KY: variants seen among roughly 807,000 people sequenced by gnomAD.
The protein encoded by KY is kyphoscoliosis peptidase.
In KY, 43 loss-of-function variants were observed where a neutral mutation model predicts 76.1. The observed-to-expected ratio is 0.57, with a 90% CI of 0.44 to 0.73. The LOEUF (loss-of-function observed/expected upper bound fraction) is 0.73. KY is among the 30% of genes least tolerant of loss of function. The pLI is 0.00. For missense variants in KY, 722 were observed against 828.9 expected (o/e 0.87, Z 1.58); for synonymous variants, 277 against 326.2 (o/e 0.85, Z 1.63).
chr3:134,609,223 C>T (rs1560102917), intron 9 of KY, among the ~76,000 whole-genome samples: 1 of 152,178 alleles, frequency 6.6e-6, no homozygotes, highest in Non-Finnish European at 1.5e-5. Context: ...CTCCATCTAC[C>T]CCAACCTGTT....
At chr3:134,631,585 T>C (rs1462650135) in intron 3 of KY, among the ~76,000 whole-genome samples, 3 of 152,104 alleles carry the variant, frequency 2.0e-5, no homozygotes, top group Non-Finnish European at 4.4e-5. Flanking sequence ...AACTACAACA[T>C]AGAGTAGGAG....
intron 3 of KY, among the ~76,000 whole-genome samples, chr3:134,631,695 C>T (rs1226567828): frequency 6.6e-6 from 1 of 151,516 alleles, no homozygotes; most frequent in African/African-American, 2.4e-5. Context: ...ATAATACATA[C>T]AAAAATAGCT....
intron 10 of KY, 110 bp downstream of exon 10, chr3:134,608,539 T>C (rs1483161067): frequency 6.2e-7 from 1 of 1,602,724 alleles, no homozygotes. Flanking sequence ...TCACAAGCCA[T>C]GCGTCTGGAA....
intron 5 of KY, 35 bp downstream of exon 5, chr3:134,627,721 T>C (rs776927812): frequency 6.3e-7 from 1 of 1,595,862 alleles, no homozygotes; most frequent in Admixed American, 1.7e-5. Flanking sequence ...CCATGTGCTC[T>C]CTTGAGAATT....
chr3:134,615,832 A>G (rs1336214790), intron 8 of KY, among the ~76,000 whole-genome samples: 1 of 152,242 alleles, frequency 6.6e-6, no homozygotes, highest in African/African-American at 2.4e-5. Context: ...TATAGGGGAC[A>G]TACTGCTAAC....
chr3:134,619,912 G>A (rs1962302104), intron 7 of KY: 1 of 152,616 alleles, frequency 6.6e-6, no homozygotes, highest in African/African-American at 2.4e-5. Flanking sequence ...TGGGAGCTGA[G>A]CTGGGGGTCT....
intron 8 of KY, chr3:134,615,193 C>G (rs969656509): frequency 3.3e-5 from 5 of 152,452 alleles, no homozygotes; most frequent in African/African-American, 1.2e-4. Context: ...GGGCCCCATG[C>G]AGAACCTCAT....
intron 2 of KY, among the ~76,000 whole-genome samples, chr3:134,646,489 T>C (rs940448398): frequency 2.0e-5 from 3 of 152,240 alleles, no homozygotes; most frequent in Non-Finnish European, 1.5e-5. Context: ...TCTTTTTCCC[T>C]GTTTCATTTC....
At chr3:134,616,058 C>T (rs1437558776) in intron 8 of KY, among the ~76,000 whole-genome samples, 2 of 152,186 alleles carry the variant, frequency 1.3e-5, no homozygotes, top group South Asian at 2.1e-4. Flanking sequence ...TTACTGGAGG[C>T]CGACTCAAGA....
At chr3:134,630,783 G>C (rs1964106668) in intron 3 of KY, among the ~76,000 whole-genome samples, 1 of 152,066 alleles carries the variant, frequency 6.6e-6, no homozygotes. Context: ...AATTTGAAAA[G>C]GAAAAGATAA....
intron 1 of KY, among the ~76,000 whole-genome samples, 153 bp from the exon 2 acceptor site, chr3:134,647,650 A>G (rs1210901395): frequency 6.6e-6 from 1 of 152,184 alleles, no homozygotes; most frequent in East Asian, 1.9e-4. Context: ...CCTTGAGGGA[A>G]TGAATGCAAC....
intron 6 of KY, among the ~76,000 whole-genome samples, chr3:134,622,842 C>T (rs530070908): frequency 1.3e-5 from 2 of 152,250 alleles, no homozygotes; most frequent in Non-Finnish European, 2.9e-5. Flanking sequence ...CCCCTCAGCT[C>T]CCAGCTTGAG....
At chr3:134,604,577 A>G in intron 10 of KY, 103 bp from the exon 11 acceptor site, 2 of 983,850 alleles carry the variant, frequency 2.0e-6, no homozygotes, top group Admixed American at 2.4e-5. Flanking sequence ...GTCCTGACTT[A>G]TAGAGCTTGT....
Position 134,604,425 on chromosome 3 carries a change from G to C in KY, c.1140C>G (p.Phe380Leu), listed in dbSNP as rs1246648305. The C allele has an allele frequency of 6.2e-7, 1 of 1,613,808 alleles. No individual in the cohort carries two copies. The highest frequency in any genetic ancestry group is 2.2e-5 in the East Asian group (1 of 44,872). ...CTTGCTTGCCATTGAGCATGAACAT[G>C]AACAGCGTCGGGGCGCAGCTCTCAA... ...VTIESCAPTL[F>L]MFMLNGKQEH... Residue 380 changes from phenylalanine to leucine, a missense_variant, in exon 11 of 11, where the codon TTC (phenylalanine) becomes TTG (leucine). Transcript: ENST00000423778.
At position 134,604,429 on chromosome 3, in the gene KY, A is replaced by G; in HGVS notation, c.1136T>C (p.Leu379Pro). 1 of 1,613,666 alleles carries G rather than the reference A, an allele frequency of 6.2e-7. No homozygotes were observed. Among genetic ancestry groups the G allele is most frequent in the Non-Finnish European group, 8.5e-7 (1 of 1,179,768 alleles). ...TVTIESCAPT[L>P]FMFMLNGKQE... Reference sequence around the variant, plus strand: ...CTTGCCATTGAGCATGAACATGAACAGCGTCGGGGCGCAGCTCTCAATGGT... The same window carrying G: ...CTTGCCATTGAGCATGAACATGAACGGCGTCGGGGCGCAGCTCTCAATGGT... Residue 379 changes from leucine (L) to proline (P), a missense_variant, in exon 11 of 11, where the codon CTG becomes CCG. This residue lies in a region of KY where 552 missense variants were observed against 680.9 expected (regional missense o/e 0.81). Transcript: ENST00000423778.
At chr3:134,630,610 A>T (rs569270395) in intron 3 of KY, among the ~76,000 whole-genome samples, 1 of 152,074 alleles carries the variant, frequency 6.6e-6, no homozygotes, top group South Asian at 2.1e-4. Flanking sequence ...CATAGATCTC[A>T]TCCTAAACAT....
intron 5 of KY, among the ~76,000 whole-genome samples, chr3:134,626,979 A>G (rs1963542652): frequency 6.6e-6 from 1 of 152,196 alleles, no homozygotes; most frequent in Admixed American, 6.5e-5. Context: ...CACACATCGA[A>G]CAGATTTCCA....
chr3:134,633,425 G>A (rs1245912198), intron 3 of KY, among the ~76,000 whole-genome samples: 1 of 152,024 alleles, frequency 6.6e-6, no homozygotes, highest in Non-Finnish European at 1.5e-5. Context: ...GGTTTATTTT[G>A]GGAATGCAAA....
rs1025628068 is a variant in KY, at chr3:134,601,761, C to T, written c.*1818G>A. ...CCGCCGGCCTGTTGGATGATGGGCA[C>T]CCTTGTGAGCTGGTTCTGGGCTAGG... On this transcript the variant is annotated 3_prime_UTR_variant, in exon 11 of 11. Transcript: ENST00000423778. Among the ~76,000 whole-genome samples, 1 of 152,170 alleles carries T rather than the reference C, an allele frequency of 6.6e-6. No individual in the cohort carries two copies. Among genetic ancestry groups the T allele is most frequent in the African/African-American group, 2.4e-5 (1 of 41,452 alleles).
Sources: gnomAD v4.1 joint callset for allele counts (sites outside exome capture counted in the v4.1 genomes callset) on GRCh38, gnomAD v4.1.1 for gene constraint, gnomAD v4.1.1 regional missense constraint, MANE v1.5 for transcripts, NCBI Gene and HGNC (gene_info 2026-07-23, HGNC 2026-07-21) for gene names.